PTPRN2: variants seen among roughly 807,000 people sequenced by gnomAD.
PTPRN2 encodes the protein receptor-type tyrosine-protein phosphatase N2.
Under a neutral mutation model 118.8 loss-of-function variants are expected in PTPRN2, and 74 were observed. The ratio of observed to expected loss-of-function variants is 0.62; its 90% CI spans 0.52 to 0.76. PTPRN2 has a LOEUF of 0.76. Among genes scored for constraint, PTPRN2 ranks in the 30% least tolerant of loss-of-function variants. The pLI is 0.00. For missense variants in PTPRN2, 1,481 were observed against 1,394.4 expected (o/e 1.06, Z -0.99); for synonymous variants, 641 against 608.0 (o/e 1.05, Z -0.80).
intron 3 of PTPRN2, among the ~76,000 whole-genome samples, chr7:158,215,878 A>G (rs750897503): frequency 6.6e-6 from 1 of 152,212 alleles, no homozygotes; most frequent in African/African-American, 2.4e-5. Context: ...TACTAAATTT[A>G]TGTCTCCATA....
At chr7:158,254,193 G>C in intron 3 of PTPRN2, among the ~76,000 whole-genome samples, 1 of 41,718 alleles carries the variant, frequency 2.4e-5, no homozygotes. Flanking sequence ...AGCCACTGCC[G>C]CCCACAGCAC....
At chr7:157,607,668 G>A (rs918350132) in intron 15 of PTPRN2, among the ~76,000 whole-genome samples, 4 of 152,234 alleles carry the variant, frequency 2.6e-5, no homozygotes, top group African/African-American at 9.6e-5. Flanking sequence ...CTCAGCTGAG[G>A]GGTCCCTGCT....
intron 13 of PTPRN2, among the ~76,000 whole-genome samples, chr7:157,657,064 C>T (rs893664355): frequency 2.5e-5 from 3 of 120,072 alleles, no homozygotes; most frequent in African/African-American, 6.4e-5. Context: ...CCACACACAC[C>T]ACACACGTCA....
intron 11 of PTPRN2, among the ~76,000 whole-genome samples, chr7:158,063,612 T>C (rs1222603414): frequency 6.6e-6 from 1 of 152,214 alleles, no homozygotes; most frequent in Non-Finnish European, 1.5e-5. Context: ...ACTGCCTTTA[T>C]GAGCTGTAAC....
intron 10 of PTPRN2, among the ~76,000 whole-genome samples, chr7:158,109,377 C>A (rs1488396572): frequency 6.7e-6 from 1 of 149,588 alleles, no homozygotes; most frequent in African/African-American, 2.5e-5. Flanking sequence ...GACATCACCC[C>A]TGTGTGAAGG....
At chr7:158,014,647 CCATCATT>C (rs1436635789) in intron 11 of PTPRN2, among the ~76,000 whole-genome samples, 6 of 151,838 alleles carry the variant, frequency 4.0e-5, no homozygotes, top group Non-Finnish European at 5.9e-5. Context: ...TATCCATCAT[CCATCATT>C]CATCATCCAT....
Position 157,964,651 on chromosome 7 carries a change from G to A in PTPRN2, c.1724-65914C>T, listed in dbSNP as rs576578076. ...TTAACACCCTGTGATGGCCTTACTT[G>A]GCGTGTGGAGCTGTGACCACCAGGG... On this transcript the variant is annotated intron_variant, in intron 11 of 22. Transcript: ENST00000389418. The surrounding 1 kb of genome is among the most constrained non-coding windows in gnomAD (Gnocchi z 9.0). Among the ~76,000 whole-genome samples the A allele has an allele frequency of 2.6e-5, 4 of 152,296 alleles. No homozygotes were observed. Among genetic ancestry groups the A allele is most frequent in the African/African-American group, 9.6e-5 (4 of 41,558 alleles).
At chr7:158,070,385 G>A (rs929786929) in intron 11 of PTPRN2, among the ~76,000 whole-genome samples, 4 of 148,694 alleles carry the variant, frequency 2.7e-5, no homozygotes, top group Non-Finnish European at 4.5e-5. Context: ...GCCCGTGGTG[G>A]TGGAGGTGCT....
In PTPRN2 at chr7:158,411,615, G is replaced by A. The variant is rs138291348; in HGVS notation, c.163+78120C>T. Among the ~76,000 whole-genome samples the A allele has an allele frequency of 3.1e-4, 47 of 152,312 alleles. 1 individual carries two copies. The East Asian group carries it at 7.5e-3, about 24-fold the overall frequency. On this transcript the variant is annotated intron_variant, in intron 2 of 22. Transcript: ENST00000389418. ...CAGAGGGCAGCATCAGAACTCACTC[G>A]CTGTCCTTGTCTACACTAAGCACTC...
intron 12 of PTPRN2, among the ~76,000 whole-genome samples, chr7:157,883,508 A>G (rs543037121): frequency 1.8e-4 from 27 of 151,132 alleles, no homozygotes; most frequent in Admixed American, 1.4e-3. Context: ...CACCACCCCA[A>G]AAATGACTGT....
intron 13 of PTPRN2, among the ~76,000 whole-genome samples, chr7:157,668,133 C>T (rs999796192): frequency 9.9e-5 from 15 of 152,268 alleles, no homozygotes; most frequent in African/African-American, 2.2e-4. Context: ...GTGCCCAGGC[C>T]GGGGCCCTGG....
intron 2 of PTPRN2, among the ~76,000 whole-genome samples, chr7:158,328,803 C>A (rs966497857): frequency 6.8e-6 from 1 of 147,174 alleles, no homozygotes; most frequent in Non-Finnish European, 1.5e-5. Context: ...TCCCCCCCCC[C>A]CGCCACCCAG....
At chr7:157,689,783 G>A (rs1313810967) in intron 12 of PTPRN2, among the ~76,000 whole-genome samples, 1 of 152,186 alleles carries the variant, frequency 6.6e-6, no homozygotes, top group Non-Finnish European at 1.5e-5. Flanking sequence ...AGGAGAGATG[G>A]CCTCTCAGAG....
chr7:158,020,746 C>A (rs1806814874), intron 11 of PTPRN2, among the ~76,000 whole-genome samples: 1 of 152,182 alleles, frequency 6.6e-6, no homozygotes, highest in South Asian at 2.1e-4. Flanking sequence ...GTAAGAAAGA[C>A]AAAAGTAGGG....
chr7:158,152,040 G>C (rs2150534641), intron 6 of PTPRN2, among the ~76,000 whole-genome samples: 1 of 152,162 alleles, frequency 6.6e-6, no homozygotes, highest in South Asian at 2.1e-4. Flanking sequence ...CGGGCGTGGT[G>C]GCAGACGCCT....
chr7:158,380,952 A>AC (rs1280482184), intron 2 of PTPRN2, among the ~76,000 whole-genome samples: 1 of 152,272 alleles, frequency 6.6e-6, no homozygotes, highest in African/African-American at 2.4e-5. Context: ...CCTGAGCTCC[A>AC]CATTGACTCA....
Position 157,780,205 on chromosome 7 carries a change from C to A in PTPRN2, c.1789-97268G>T. ...CCTCTGGGCCGTGTGTCCTCCTGGT[C>A]TACCTCCAGCACAAGGACGTTCCTC... is the stretch of plus-strand genomic sequence containing the variant. On this transcript the variant is annotated intron_variant, in intron 12 of 22. Transcript: ENST00000389418. The surrounding 1 kb of genome is among the most constrained non-coding windows in gnomAD (Gnocchi z 4.5). Among the ~76,000 whole-genome samples, 1 of 152,214 alleles carries A rather than the reference C, an allele frequency of 6.6e-6. No homozygotes were observed. The highest frequency in any genetic ancestry group is 1.9e-4 in the East Asian group (1 of 5,198).
At chr7:158,143,515 C>G (rs1460949481) in intron 6 of PTPRN2, among the ~76,000 whole-genome samples, 1 of 152,140 alleles carries the variant, frequency 6.6e-6, no homozygotes, top group African/African-American at 2.4e-5. Context: ...ACGGTGGACA[C>G]CAGTCCCCGT....
chr7:157,712,971 T>C (rs1417105611), intron 12 of PTPRN2, among the ~76,000 whole-genome samples: 1 of 152,076 alleles, frequency 6.6e-6, no homozygotes, highest in Non-Finnish European at 1.5e-5. Flanking sequence ...ACGCCTGTTG[T>C]TTGAAGGCCC....
Sources: gnomAD v4.1 joint callset for allele counts (sites outside exome capture counted in the v4.1 genomes callset) on GRCh38, gnomAD v4.1.1 for gene constraint, Gnocchi (gnomAD v3.1) non-coding constraint, MANE v1.5 for transcripts, NCBI Gene and HGNC (gene_info 2026-07-23, HGNC 2026-07-21) for gene names.